Variants in AKT3 observed in about 807,000 individuals in gnomAD.
AKT3 encodes the protein RAC-gamma serine/threonine-protein kinase.
AKT3 carries 15 observed loss-of-function variants against 65.3 expected under a neutral mutation model. The ratio of observed to expected loss-of-function variants is 0.23; its 90% confidence interval spans 0.15 to 0.35. The LOEUF (loss-of-function observed/expected upper bound fraction) is 0.35, where lower values mean the gene tolerates loss of function less well. Among genes scored for constraint, AKT3 ranks in the 10% least tolerant of loss-of-function variants. The probability of loss-of-function intolerance (pLI) is 1.00; values close to 1 mark genes in which losing one functional copy is unlikely to be tolerated. For missense variants in AKT3, 243 were observed against 576.5 expected (o/e 0.42, Z 5.92); for synonymous variants, 206 against 183.8 (o/e 1.12, Z -0.98).
intron 10 of AKT3, among the ~76,000 whole-genome samples, chr1:243,554,434 C>T (rs1673277630): frequency 6.6e-6 from 1 of 152,096 alleles, no homozygotes; most frequent in Non-Finnish European, 1.5e-5. Flanking sequence ...TTCTAGTTTT[C>T]ATCATCAGCG....
At chr1:243,835,609 G>A (rs760866506) in intron 2 of AKT3, among the ~76,000 whole-genome samples, 1 of 152,036 alleles carries the variant, frequency 6.6e-6, no homozygotes, top group Admixed American at 6.6e-5. Context: ...TCCCCACCAA[G>A]AAATTTTAAT....
chr1:243,664,059 C>A (rs1394120165), intron 4 of AKT3, among the ~76,000 whole-genome samples: 2 of 152,076 alleles, frequency 1.3e-5, no homozygotes, highest in Non-Finnish European at 2.9e-5. Flanking sequence ...TCCAGACAGC[C>A]ACTTACAACT....
intron 1 of AKT3, among the ~76,000 whole-genome samples, chr1:243,849,434 C>G (rs950322477): frequency 1.4e-4 from 17 of 119,946 alleles, no homozygotes; most frequent in Non-Finnish European, 2.6e-4. Context: ...GCGCCAGTGG[C>G]GGGGAAGGGT....
At chr1:243,806,249 T>C (rs1039505054) in intron 2 of AKT3, among the ~76,000 whole-genome samples, 4 of 152,208 alleles carry the variant, frequency 2.6e-5, no homozygotes, top group African/African-American at 9.6e-5. Context: ...GGTTGCTATG[T>C]TTTTCATCTC....
In AKT3 at chr1:243,850,086, G is replaced by A. The variant is rs1392805111; in HGVS notation, c.-159C>T. The A allele has an allele frequency of 8.1e-6, 6 of 736,966 alleles. No homozygotes were observed. Among genetic ancestry groups the A allele is most frequent in the African/African-American group, 2.0e-5 (1 of 50,114 alleles). The allele number at this position is 736,966 out of a possible 1,614,324, so 45.7% of individuals were successfully genotyped here. ...TGGCGGCCCCGCAGCTGCTCGGGCG[G>A]CGGCGGAGGATGGAGCCGGGGGGGG... On this transcript the variant is annotated 5_prime_UTR_variant, in exon 1 of 14. Transcript: ENST00000673466.
At chr1:243,643,705 TAGC>T (rs933745378) in intron 5 of AKT3, among the ~76,000 whole-genome samples, 4 of 152,184 alleles carry the variant, frequency 2.6e-5, no homozygotes, top group African/African-American at 9.6e-5. Context: ...ATGCAAGAAA[TAGC>T]AGTCTGACAA....
chr1:243,848,124 T>C (rs1401711553), intron 1 of AKT3, among the ~76,000 whole-genome samples: 3 of 152,170 alleles, frequency 2.0e-5, no homozygotes, highest in African/African-American at 7.2e-5. Context: ...GTCTCATTCA[T>C]GTAATATTTG....
intron 9 of AKT3, among the ~76,000 whole-genome samples, chr1:243,566,274 T>C (rs574149363): frequency 5.3e-5 from 8 of 152,202 alleles, no homozygotes; most frequent in African/African-American, 9.6e-5. Flanking sequence ...CAGATCATGG[T>C]TGTGAGAAGA....
intron 2 of AKT3, among the ~76,000 whole-genome samples, chr1:243,706,008 C>G (rs1189929956): frequency 6.6e-6 from 1 of 152,098 alleles, no homozygotes; most frequent in African/African-American, 2.4e-5. Context: ...TCATCAGAAA[C>G]TTTAAAACTT....
intron 8 of AKT3, among the ~76,000 whole-genome samples, chr1:243,604,525 T>G (rs1407826221): frequency 2.0e-5 from 3 of 152,236 alleles, no homozygotes; most frequent in Non-Finnish European, 4.4e-5. Context: ...CATGCCATTT[T>G]ACCTGTGTAG....
chr1:243,540,737 C>G (rs1419032829), intron 12 of AKT3, among the ~76,000 whole-genome samples: 2 of 152,154 alleles, frequency 1.3e-5, no homozygotes, highest in African/African-American at 4.8e-5. Context: ...GCAGTTAAGT[C>G]ATCATGCCAC....
chr1:243,693,546 T>C (rs543494027), intron 3 of AKT3, among the ~76,000 whole-genome samples: 62 of 151,866 alleles, frequency 4.1e-4, no homozygotes, highest in Non-Finnish European at 7.8e-4. Flanking sequence ...AATCACAGAA[T>C]GTCAGGGACA....
chr1:243,784,167 T>C (rs1329271763), intron 2 of AKT3, among the ~76,000 whole-genome samples: 1 of 152,180 alleles, frequency 6.6e-6, no homozygotes, highest in Admixed American at 6.5e-5. Flanking sequence ...TAAGACTCTC[T>C]GAGAAGACAC....
intron 2 of AKT3, among the ~76,000 whole-genome samples, chr1:243,810,300 G>C (rs560738302): frequency 1.3e-5 from 2 of 152,230 alleles, no homozygotes; most frequent in South Asian, 2.1e-4. Flanking sequence ...AAGAAGAAAA[G>C]AGAGAAGAAT....
intron 4 of AKT3, among the ~76,000 whole-genome samples, chr1:243,648,755 T>C (rs969416170): frequency 2.6e-5 from 4 of 152,300 alleles, no homozygotes; most frequent in African/African-American, 9.6e-5. Context: ...CATTCATTGA[T>C]ATTGGGTTTT....
intron 4 of AKT3, among the ~76,000 whole-genome samples, chr1:243,650,588 G>A (rs541669026): frequency 5.9e-5 from 9 of 152,212 alleles, no homozygotes; most frequent in African/African-American, 1.2e-4. Flanking sequence ...TTTGTATAAG[G>A]TGTCAGTAAG....
At chr1:243,690,626 GGA>G (rs1351052187) in intron 3 of AKT3, among the ~76,000 whole-genome samples, 2 of 151,952 alleles carry the variant, frequency 1.3e-5, no homozygotes, top group East Asian at 3.9e-4. Context: ...CAGGCCTTGT[GGA>G]GTTTCCATTC....
At chr1:243,583,605 A>C (rs1451449614) in intron 8 of AKT3, among the ~76,000 whole-genome samples, 1 of 151,638 alleles carries the variant, frequency 6.6e-6, no homozygotes, top group East Asian at 1.9e-4. Context: ...AAACCCTGAA[A>C]TCATACTAAC....
intron 2 of AKT3, among the ~76,000 whole-genome samples, chr1:243,733,204 C>A (rs1386660625): frequency 6.6e-6 from 1 of 152,146 alleles, no homozygotes; most frequent in African/African-American, 2.4e-5. Flanking sequence ...CTGGAACTTT[C>A]TCCAAATATC....
Sources: gnomAD v4.1 joint callset for allele counts (sites outside exome capture counted in the v4.1 genomes callset) on GRCh38, gnomAD v4.1.1 for gene constraint, MANE v1.5 for transcripts, NCBI Gene and HGNC (gene_info 2026-07-23, HGNC 2026-07-21) for gene names.